The following DIPK1A variants were observed in gnomAD, a reference collection of about 807,000 sequenced individuals.
The protein encoded by DIPK1A is divergent protein kinase domain 1A, also known as family with sequence similarity 69 member A.
DIPK1A carries 27 observed loss-of-function variants against 40.8 expected under a neutral mutation model. That is an observed-to-expected ratio of 0.66 (90% CI 0.49 to 0.91). The LOEUF (loss-of-function observed/expected upper bound fraction) is 0.91. Ranked by LOEUF, DIPK1A falls within the 40% of genes least tolerant of loss-of-function variation. DIPK1A has a pLI of 0.00. For missense variants in DIPK1A, 412 were observed against 505.7 expected, an observed-to-expected ratio of 0.81 and a Z score of 1.78; for synonymous variants, 166 against 171.3, an observed-to-expected ratio of 0.97 and a Z score of 0.24.
At chr1:92,865,867 T>C (rs890901180) in intron 2 of DIPK1A, among the ~76,000 whole-genome samples, 1 of 152,232 alleles carries the variant, frequency 6.6e-6, no homozygotes, top group Non-Finnish European at 1.5e-5. Flanking sequence ...ACTTGATTAA[T>C]AGATTAATAT....
At chr1:92,897,959 C>T (rs965164915) in intron 1 of DIPK1A, among the ~76,000 whole-genome samples, 1 of 152,052 alleles carries the variant, frequency 6.6e-6, no homozygotes, top group African/African-American at 2.4e-5. Flanking sequence ...ATTAGCCATG[C>T]GTGGTGGCGT....
In DIPK1A at chr1:92,935,866, A is replaced by G. The variant is rs184317306; in HGVS notation, c.54+25510T>C. Reference sequence around the variant, plus strand: ...GGAAGGCTGAGGCGGGAGGATCAGGAGTTCACGACCAGCCTGGGTAACAAA... The same window carrying G: ...GGAAGGCTGAGGCGGGAGGATCAGGGGTTCACGACCAGCCTGGGTAACAAA... On this transcript the variant is annotated intron_variant, in intron 1 of 4. Transcript: ENST00000370310. Among the ~76,000 whole-genome samples, 29 of 151,990 alleles carry G rather than the reference A, an allele frequency of 1.9e-4. 1 individual carries two copies. The highest frequency in any genetic ancestry group is 2.1e-4 in the South Asian group (1 of 4,794).
chr1:92,896,035 C>T (rs1306065336), intron 1 of DIPK1A, among the ~76,000 whole-genome samples: 1 of 152,138 alleles, frequency 6.6e-6, no homozygotes, highest in East Asian at 1.9e-4. Flanking sequence ...ACATTCCATG[C>T]TCATGGGTAG....
intron 1 of DIPK1A, among the ~76,000 whole-genome samples, chr1:92,902,269 G>A (rs1649449320): frequency 6.6e-6 from 1 of 152,180 alleles, no homozygotes; most frequent in Admixed American, 6.5e-5. Flanking sequence ...TGGCCCAAAG[G>A]GCAGGGTAAG....
intron 1 of DIPK1A, chr1:92,876,886 G>C (rs1479372858): frequency 1.6e-5 from 10 of 625,318 alleles, no homozygotes; most frequent in Non-Finnish European, 2.0e-5. Flanking sequence ...CTGGCTATTT[G>C]TCTAATGTCT....
intron 1 of DIPK1A, chr1:92,931,305 A>T (rs567243075): frequency 1.9e-5 from 4 of 208,506 alleles, no homozygotes; most frequent in Non-Finnish European, 4.2e-5. Context: ...CCCTCACCCC[A>T]TGTGCAGACC....
chr1:92,841,918 G>GAAATAGTTGCTGTT, downstream of DIPK1A: 1 of 1,354,654 alleles, frequency 7.4e-7, no homozygotes. Flanking sequence ...CTTATGAACA[G>GAAATAGTTGCTGTT]CAACTATTTC....
At position 92,832,777 on chromosome 1, in the gene DIPK1A, C is replaced by T. The variant is rs951691915; in HGVS notation, c.*243G>A. 9 of 515,582 alleles carry T rather than the reference C, an allele frequency of 1.7e-5. No homozygotes were observed. The Admixed American group carries it at 3.2e-4, about 19-fold the overall frequency. 31.9% of individuals were successfully genotyped at this position (515,582 alleles called of 1,614,324 possible). On this transcript the variant is annotated 3_prime_UTR_variant, in exon 5 of 5. Coordinates refer to the DIPK1A transcript ENST00000615519. ...GCCCCAAGGGTGGGATGAAATGTTG[C>T]TTTAGCTGATGGGGAACAGTGCTGT...
downstream of DIPK1A, among the ~76,000 whole-genome samples, chr1:92,838,229 A>G (rs550328659): frequency 1.6e-4 from 24 of 152,344 alleles, no homozygotes; most frequent in South Asian, 4.6e-3. Context: ...TGTTATTTCT[A>G]TGCTTTGGAC....
intron 2 of DIPK1A, among the ~76,000 whole-genome samples, chr1:92,858,122 G>A (rs1474567406): frequency 1.3e-5 from 2 of 152,134 alleles, no homozygotes; most frequent in Non-Finnish European, 2.9e-5. Flanking sequence ...CCGGAAGTAG[G>A]GCCCTCTGTC....
intron 1 of DIPK1A, chr1:92,933,050 T>C (rs1650818856): frequency 1.3e-5 from 2 of 152,154 alleles, no homozygotes; most frequent in African/African-American, 4.8e-5. Flanking sequence ...TATATGACAA[T>C]GCTCTGCTTA....
chr1:92,858,349 C>A (rs977617091), intron 2 of DIPK1A, among the ~76,000 whole-genome samples: 8 of 152,138 alleles, frequency 5.3e-5, no homozygotes, highest in African/African-American at 1.2e-4. Flanking sequence ...ATTCTGAAAT[C>A]TAACATTATT....
chr1:92,870,252 G>A (rs1035109301), intron 2 of DIPK1A, among the ~76,000 whole-genome samples: 4 of 152,128 alleles, frequency 2.6e-5, no homozygotes, highest in East Asian at 1.9e-4. Context: ...TGTAAACAGA[G>A]TCTTGCTTTG....
chr1:92,913,375 G>GAA (rs11423956), intron 1 of DIPK1A, among the ~76,000 whole-genome samples: 20 of 148,742 alleles, frequency 1.3e-4, no homozygotes, highest in Admixed American at 4.0e-4. Context: ...ACCATGATGT[G>GAA]AAAAAAAAAA....
chr1:92,846,672 A>G (rs1191838548), intron 4 of DIPK1A: 1 of 373,596 alleles, frequency 2.7e-6, no homozygotes, highest in African/African-American at 2.4e-5. Flanking sequence ...TTTGTCGTCC[A>G]GGCTGGAGTG....
chr1:92,949,529 G>A (rs190209025), intron 1 of DIPK1A, among the ~76,000 whole-genome samples: 1 of 151,968 alleles, frequency 6.6e-6, no homozygotes, highest in African/African-American at 2.4e-5. Context: ...TACCCACCTC[G>A]GCCTCCCAAA....
chr1:92,841,970 C>A, downstream of DIPK1A: 1 of 995,246 alleles, frequency 1.0e-6, no homozygotes, highest in East Asian at 2.8e-5. Flanking sequence ...AGGAAATACC[C>A]TGAAATATTT....
intron 2 of DIPK1A, among the ~76,000 whole-genome samples, chr1:92,861,360 T>G (rs558774445): frequency 6.8e-5 from 8 of 116,986 alleles, no homozygotes; most frequent in African/African-American, 2.3e-4. Flanking sequence ...AGGGTCTCAC[T>G]CTGTCACCCA....
At position 92,955,000 on chromosome 1, in the gene DIPK1A, C is replaced by T. The variant is rs143266121; in HGVS notation, c.54+6376G>A. Reference sequence around the variant, plus strand: ...ACCCAGACAACGAAATATTATTCAGCGTTAAAAAGAAATGAGCTATTAAGC... The same window carrying T: ...ACCCAGACAACGAAATATTATTCAGTGTTAAAAAGAAATGAGCTATTAAGC... On this transcript the variant is annotated intron_variant, in intron 1 of 4. Transcript: ENST00000370310. Among the ~76,000 whole-genome samples, 370 of 152,060 alleles carry T rather than the reference C, an allele frequency of 2.4e-3. 2 individuals carry two copies. The highest frequency in any genetic ancestry group is 4.4e-3 in the Non-Finnish European group (301 of 67,980).
Sources: allele counts gnomAD v4.1 joint callset (sites outside exome capture counted in the v4.1 genomes callset), GRCh38; gene constraint gnomAD v4.1.1; transcripts MANE v1.5; gene names NCBI Gene and HGNC (gene_info 2026-07-23, HGNC 2026-07-21).